The following SORCS1 variants were observed in gnomAD, a reference collection of about 807,000 sequenced individuals.
SORCS1 encodes the protein sortilin related VPS10 domain containing receptor 1.
In SORCS1, 60 loss-of-function variants were observed where a neutral mutation model predicts 146.1. The observed-to-expected ratio is 0.41, with a 90% CI of 0.33 to 0.51. SORCS1 has a LOEUF of 0.51. Among genes scored for constraint, SORCS1 ranks in the 20% least tolerant of loss-of-function variants. SORCS1 has a pLI of 0.21. For missense variants in SORCS1, 1,352 were observed against 1,487.6 expected, an observed-to-expected ratio of 0.91 and a Z score of 1.50; for synonymous variants, 637 against 584.0, an observed-to-expected ratio of 1.09 and a Z score of -1.31.
At chr10:106,628,825 T>C (rs1427760053) in intron 19 of SORCS1, among the ~76,000 whole-genome samples, 2 of 152,294 alleles carry the variant, frequency 1.3e-5, no homozygotes, top group South Asian at 2.1e-4. Flanking sequence ...ATGCATTAGA[T>C]TGAGTGGTGC....
chr10:106,669,171 G>C (rs7091700), intron 16 of SORCS1, among the ~76,000 whole-genome samples: 18,765 of 151,946 alleles, frequency 0.12, 1,452 homozygotes, highest in East Asian at 0.31. Context: ...AGACACGGGA[G>C]AGGAGAAATC....
At chr10:106,708,737 C>A (rs555627285) in intron 7 of SORCS1, among the ~76,000 whole-genome samples, 3 of 152,288 alleles carry the variant, frequency 2.0e-5, no homozygotes, top group African/African-American at 7.2e-5. Flanking sequence ...CTGGCCTCTG[C>A]CTCCCACTAT....
chr10:106,612,092 T>C, intron 21 of SORCS1, 69 bp from the exon 22 acceptor site: 1 of 1,247,834 alleles, frequency 8.0e-7, no homozygotes, highest in South Asian at 1.3e-5. Flanking sequence ...TTAGACTTTA[T>C]ATTTTATACA....
intron 1 of SORCS1, among the ~76,000 whole-genome samples, chr10:107,083,211 G>A (rs546567927): frequency 7.5e-4 from 114 of 152,074 alleles, no homozygotes; most frequent in Middle Eastern, 3.4e-3. Context: ...GAAGATGGAG[G>A]TTTTCTCTTC....
At position 107,102,547 on chromosome 10, in the gene SORCS1, A is replaced by G. The variant is rs546369253; in HGVS notation, c.558+61422T>C. 3.3e-5 allele frequency among the ~76,000 whole-genome samples: 5 copies of G among 152,286 alleles called. No individual in the cohort carries two copies. In the East Asian group the frequency reaches 9.6e-4, roughly 29 times the overall value. The stretch of plus-strand genomic sequence containing the variant: ...CATATAAAAAGGGAATCTAACTATG[A>G]TTTGTTAAAGGTGCTTTATTTTGCT... On this transcript the variant is annotated intron_variant, in intron 1 of 25. Coordinates refer to ENST00000263054, the MANE Select transcript of SORCS1 (RefSeq NM_052918.5).
At chr10:106,652,192 G>A (rs934538100) in intron 18 of SORCS1, among the ~76,000 whole-genome samples, 190 bp downstream of exon 18, 20 of 152,104 alleles carry the variant, frequency 1.3e-4, no homozygotes, top group African/African-American at 4.6e-4. Context: ...TGAAATGTAA[G>A]TAATTAAAGA....
chr10:106,749,220 T>A (rs1311016649), intron 5 of SORCS1, among the ~76,000 whole-genome samples: 1 of 152,202 alleles, frequency 6.6e-6, no homozygotes, highest in African/African-American at 2.4e-5. Flanking sequence ...CGCAGTCAAT[T>A]CCTTCCAAGA....
intron 1 of SORCS1, among the ~76,000 whole-genome samples, chr10:107,147,644 T>G (rs1047699549): frequency 1.3e-5 from 2 of 152,206 alleles, no homozygotes; most frequent in African/African-American, 2.4e-5. Flanking sequence ...CCAGGCAGAC[T>G]TTCTTTATGG....
intron 1 of SORCS1, among the ~76,000 whole-genome samples, chr10:107,108,699 C>G (rs1965478151): frequency 6.6e-6 from 1 of 152,114 alleles, no homozygotes; most frequent in African/African-American, 2.4e-5. Flanking sequence ...TATGATCATG[C>G]CTTCACAACA....
rs937081122 is a variant in SORCS1 at position 106,916,573 on chromosome 10, T to C, written c.626+39940A>G. On this transcript the variant is annotated intron_variant, in intron 2 of 25. Coordinates refer to ENST00000263054, the MANE Select transcript of SORCS1 (RefSeq NM_052918.5). The stretch of plus-strand genomic sequence containing the variant: ...GATGATATATAATTGTGTGCATATA[T>C]ATACACACACACACACACACACACA... 7.0e-3 allele frequency among the ~76,000 whole-genome samples: 891 copies of C among 126,748 alleles called. 10 individuals carry two copies. Among genetic ancestry groups the C allele is most frequent in the African/African-American group, 0.025 (832 of 33,788 alleles). The allele number at this position is 126,748 out of a possible 152,430, so 83.2% of individuals were successfully genotyped here.
intron 1 of SORCS1, among the ~76,000 whole-genome samples, chr10:106,990,277 T>C (rs1340881343): frequency 1.3e-5 from 2 of 152,110 alleles, no homozygotes; most frequent in Non-Finnish European, 2.9e-5. Flanking sequence ...CTATTTCAAA[T>C]TTTTCTTTTT....
chr10:106,646,589 G>A (rs1440089974), intron 18 of SORCS1, among the ~76,000 whole-genome samples: 4 of 151,752 alleles, frequency 2.6e-5, no homozygotes, highest in Non-Finnish European at 4.4e-5. Context: ...CCAGCTACTC[G>A]GGAGACTGAG....
At chr10:106,915,792 T>C (rs1952392409) in intron 2 of SORCS1, among the ~76,000 whole-genome samples, 1 of 152,134 alleles carries the variant, frequency 6.6e-6, no homozygotes, top group African/African-American at 2.4e-5. Flanking sequence ...TTCCAGTTTG[T>C]TGCACTCCCA....
rs183326658 is a variant in SORCS1, at chr10:106,620,057, C to T, written c.2796+371G>A. The T allele has an allele frequency of 5.8e-3, 925 of 158,604 alleles. 9 individuals carry two copies. Among genetic ancestry groups the T allele is most frequent in the African/African-American group, 0.021 (880 of 41,736 alleles). The allele number at this position is 158,604 out of a possible 1,614,324, so 9.8% of individuals were successfully genotyped here. A position where few individuals can be genotyped will look rare whatever the true frequency, so the allele number is the denominator to read the frequency against. ...ACTGACTTCTTCACCTCCCTCTCTA[C>T]CCCCAGCACTGTGATCAAGGCCTGG... On this transcript the variant is annotated intron_variant, in intron 20 of 25. Coordinates refer to ENST00000263054, the MANE Select transcript of SORCS1 (RefSeq NM_052918.5).
intron 6 of SORCS1, among the ~76,000 whole-genome samples, chr10:106,717,791 A>G (rs953675343): frequency 1.2e-4 from 19 of 152,316 alleles, no homozygotes; most frequent in African/African-American, 3.6e-4. Context: ...TCCAATTACA[A>G]TGCAGCATGG....
chr10:106,891,824 G>A (rs1951249172), intron 2 of SORCS1, among the ~76,000 whole-genome samples: 1 of 152,134 alleles, frequency 6.6e-6, no homozygotes, highest in Non-Finnish European at 1.5e-5. Flanking sequence ...ACATACAGGA[G>A]AATTAACAGG....
At chr10:106,627,104 G>A (rs1848159481) in intron 19 of SORCS1, among the ~76,000 whole-genome samples, 4 of 152,206 alleles carry the variant, frequency 2.6e-5, no homozygotes, top group Non-Finnish European at 4.4e-5. Flanking sequence ...ATCTCTGTGT[G>A]TGTTGTTTTC....
chr10:106,909,858 A>C (rs1952065570), intron 2 of SORCS1, among the ~76,000 whole-genome samples: 1 of 152,260 alleles, frequency 6.6e-6, no homozygotes, highest in Admixed American at 6.5e-5. Context: ...TCCACCCAAT[A>C]TGATTGCAGG....
chr10:106,727,351 T>C (rs1208547627), intron 6 of SORCS1, among the ~76,000 whole-genome samples: 1 of 152,194 alleles, frequency 6.6e-6, no homozygotes, highest in African/African-American at 2.4e-5. Flanking sequence ...AGACATAATG[T>C]TTTTGTTTTG....
Sources: allele counts gnomAD v4.1 joint callset (sites outside exome capture counted in the v4.1 genomes callset), GRCh38; gene constraint gnomAD v4.1.1; transcripts MANE v1.5; gene names NCBI Gene and HGNC (gene_info 2026-07-23, HGNC 2026-07-21).